The following NFE2L1 variants were observed in gnomAD, a reference collection of about 807,000 sequenced individuals.
The protein encoded by NFE2L1 is NFE2 like bZIP transcription factor 1.
In NFE2L1, 18 loss-of-function variants were observed where a neutral mutation model predicts 61.6. That is an observed-to-expected ratio of 0.29 (90% CI 0.20 to 0.43). The LOEUF is 0.43. NFE2L1 is among the 20% of genes least tolerant of loss of function. The pLI is 1.00. For missense variants in NFE2L1, 827 were observed against 973.5 expected, an observed-to-expected ratio of 0.85 and a Z score of 2.00; for synonymous variants, 419 against 402.7, an observed-to-expected ratio of 1.04 and a Z score of -0.48.
intron 1 of NFE2L1, among the ~76,000 whole-genome samples, chr17:48,049,407 T>G (rs1338588335): frequency 6.6e-6 from 1 of 152,254 alleles, no homozygotes; most frequent in African/African-American, 2.4e-5. Flanking sequence ...TTTTTCTTTT[T>G]TTGAGACGGA....
intron 1 of NFE2L1, 67 bp from the exon 2 acceptor site, chr17:48,050,540 T>C (rs1463829702): frequency 2.5e-6 from 1 of 404,952 alleles, no homozygotes; most frequent in Non-Finnish European, 4.4e-6. Flanking sequence ...GTGAAGGTTT[T>C]CCTACCCTGA....
Position 48,051,454 on chromosome 17 carries a change from T to A in NFE2L1, c.336T>A (p.Ser112=), listed in dbSNP as rs767215115. The A allele has an allele frequency of 1.9e-5, 30 of 1,614,028 alleles. No homozygotes were observed. The highest frequency in any genetic ancestry group is 5.0e-5 in the Admixed American group (3 of 60,002). The part of the protein sequence containing the change: ...AWLVHRDPEG[S]VSGSQPNSGL... ...TGGTTCACCGAGACCCAGAGGGGTC[T>A]GTCTCTGGCAGTCAGCCCAACTCAG... Residue 112 remains serine, a synonymous_variant, in exon 2 of 6, where the codon TCT becomes TCA. Transcript: ENST00000362042.
Position 48,059,989 on chromosome 17 carries a change from A to G in NFE2L1, c.*348A>G. On this transcript the variant is annotated 3_prime_UTR_variant, in exon 6 of 6. Coordinates refer to ENST00000362042, the MANE Select transcript of NFE2L1 (RefSeq NM_003204.3). The surrounding 1 kb of genome is among the most constrained non-coding windows in gnomAD (Gnocchi z 6.1). Reference sequence around the variant, plus strand: ...ACCTGTGAGAGGAAGGGAAGGTGGCAGAAAGTCTCATTTCAGGAAGGAGGG... The same window carrying G: ...ACCTGTGAGAGGAAGGGAAGGTGGCGGAAAGTCTCATTTCAGGAAGGAGGG... 4.9e-6 allele frequency: 1 copy of G among 202,748 alleles called. No homozygotes were observed. Among genetic ancestry groups the G allele is most frequent in the East Asian group, 1.0e-4 (1 of 9,648 alleles). The allele number at this position is 202,748 out of a possible 1,614,324, so 12.6% of individuals were successfully genotyped here.
At chr17:48,054,330 G>A (rs1349858568) in intron 2 of NFE2L1, 1 of 162,738 alleles carries the variant, frequency 6.1e-6, no homozygotes, top group Non-Finnish European at 1.3e-5. Flanking sequence ...ATCTCCTCAA[G>A]GAGACGGAGG....
intron 2 of NFE2L1, among the ~76,000 whole-genome samples, chr17:48,052,734 G>A (rs1410313443): frequency 6.6e-6 from 1 of 152,194 alleles, no homozygotes; most frequent in Non-Finnish European, 1.5e-5. Context: ...TCGTGAAACA[G>A]TTTTGGTTGT....
At position 48,056,578 on chromosome 17, in the gene NFE2L1, G is replaced by A. The variant is rs1237065483; in HGVS notation, c.703G>A (p.Gly235Arg). The A allele has an allele frequency of 6.2e-7, 1 of 1,613,244 alleles. No individual in the cohort carries two copies. The highest frequency in any genetic ancestry group is 2.2e-5 in the East Asian group (1 of 44,880). ...ARNLLVDGET[G>R]ESFPAQVPSG... ...GAACCTGCTAGTGGATGGAGAGACT[G>A]GGGAGAGCTTCCCTGCACAGGTACC... The change falls in exon 3 of 6, where the codon GGG (glycine) becomes AGG (arginine). Residue 235 changes from glycine (G) to arginine (R), a missense_variant. By Grantham distance (125) the Gly-to-Arg change is moderately radical (BLOSUM62 -2). This residue lies in a region of NFE2L1 where 667 missense variants were observed against 748.4 expected (regional missense o/e 0.89). Transcript: ENST00000362042.
Position 48,057,188 on chromosome 17 carries a change from T to C in NFE2L1, c.813+67T>C, listed in dbSNP as rs146841970. 625 of 1,589,704 alleles carry C rather than the reference T, an allele frequency of 3.9e-4. 1 individual carries two copies. Among genetic ancestry groups the C allele is most frequent in the Admixed American group, 1.1e-3 (65 of 57,120 alleles). ...AGCCTGTACCTGGTGTGTCCCTCCA[T>C]GGCTGAGGGGCCAGCTGTTGGTTCT... On this transcript the variant is annotated intron_variant, in intron 4 of 5. Coordinates refer to ENST00000362042, the MANE Select transcript of NFE2L1 (RefSeq NM_003204.3).
Position 48,051,508 on chromosome 17 carries a change from C to T in NFE2L1, c.390C>T (p.Leu130=). The part of the protein sequence containing the change: ...SGLALESSSG[L]QDVTGPDNGV... ...TCGCCCTCGAGAGTTCCAGTGGCCT[C>T]CAAGATGTGACAGGCCCAGACAACG... Residue 130 remains leucine (L), a synonymous_variant, in exon 2 of 6, where the codon CTC becomes CTT. Transcript: ENST00000362042. 6.2e-7 allele frequency: 1 copy of T among 1,614,030 alleles called. No individual in the cohort carries two copies. Among genetic ancestry groups the T allele is most frequent in the Non-Finnish European group, 8.5e-7 (1 of 1,180,018 alleles).
In NFE2L1 at chr17:48,058,641, G is replaced by C; in HGVS notation, c.1319G>C (p.Gly440Ala). The C allele has an allele frequency of 1.2e-6, 2 of 1,614,184 alleles. No individual in the cohort carries two copies. The highest frequency in any genetic ancestry group is 1.7e-6 in the Non-Finnish European group (2 of 1,180,040). ...CCAGAGCTGCCTGACCCTTTGGGGG[G>C]TCTGTTAGATGAAGCTATGTTGGAT... is the stretch of plus-strand genomic sequence containing the variant. ...AGPELPDPLGGLLDEAMLDEI... is the reference protein window; with the variant it reads ...AGPELPDPLGALLDEAMLDEI... Residue 440 changes from glycine (G) to alanine (A), a missense_variant, in exon 6 of 6, where the codon GGT becomes GCT. Physicochemically the swap from Gly to Ala is moderately conservative, Grantham distance 60 (BLOSUM62 0). Transcript: ENST00000362042.
At chr17:48,048,988 A>T (rs958697861) in intron 1 of NFE2L1, 1 of 152,594 alleles carries the variant, frequency 6.6e-6, no homozygotes, top group Non-Finnish European at 1.5e-5. Flanking sequence ...AAATTGCGTG[A>T]GAACGGGAGG....
chr17:48,050,939 C>T lies in NFE2L1; in HGVS notation c.-180C>T. Reference sequence around the variant, plus strand: ...GAGTGTGTCCTTGGCCTTGGCTCCACAGGGTGTGCTTTCCTCTGGGGCCGT... The same window carrying T: ...GAGTGTGTCCTTGGCCTTGGCTCCATAGGGTGTGCTTTCCTCTGGGGCCGT... On this transcript the variant is annotated 5_prime_UTR_variant, in exon 2 of 6. Transcript: ENST00000362042. 1.5e-6 allele frequency: 1 copy of T among 685,904 alleles called. No individual in the cohort carries two copies. 42.5% of individuals were successfully genotyped at this position (685,904 alleles called of 1,614,324 possible).
chr17:48,059,549 G>T lies in NFE2L1; in HGVS notation c.2227G>T (p.Ala743Ser), dbSNP rs750901779. Residue 743 changes from alanine (A) to serine (S), a missense_variant, in exon 6 of 6, where the codon GCC becomes TCC. Coordinates refer to ENST00000362042, the MANE Select transcript of NFE2L1 (RefSeq NM_003204.3). The surrounding 1 kb of genome is among the most constrained non-coding windows in gnomAD (Gnocchi z 6.1). ...GCCCAGTCAGTATGCGCTCCAGTAC[G>T]CCGGGGACGGCAGTGTCCTCCTCAT... ...YSPSQYALQY[A>S]GDGSVLLIPR... 2 of 1,611,612 alleles carry T rather than the reference G, an allele frequency of 1.2e-6. No homozygotes were observed. Among genetic ancestry groups the T allele is most frequent in the South Asian group, 2.2e-5 (2 of 90,938 alleles).
rs1237761554 is a variant in NFE2L1, at chr17:48,058,781, C to T, written c.1459C>T (p.Pro487Ser). The change falls in exon 6 of 6, where the codon CCT becomes TCT. Residue 487 changes from proline (P) to serine (S), a missense_variant. Physicochemically the swap from Pro to Ser is moderately conservative, Grantham distance 74. This residue lies in a region of NFE2L1 where 667 missense variants were observed against 748.4 expected (regional missense o/e 0.89). Transcript: ENST00000362042. Reference protein sequence around the residue: ...SGLSLDSSHSPSSLSSSEGSS... With the variant: ...SGLSLDSSHSSSSLSSSEGSS... ...CCTTTCCTTAGACTCGAGCCATAGCCCTTCTTCCCTAAGCAGCTCTGAAGG... is the reference window on the plus strand; with the variant it reads ...CCTTTCCTTAGACTCGAGCCATAGCTCTTCTTCCCTAAGCAGCTCTGAAGG... The T allele has an allele frequency of 1.2e-6, 2 of 1,614,066 alleles. No individual in the cohort carries two copies. Among genetic ancestry groups the T allele is most frequent in the Admixed American group, 1.7e-5 (1 of 60,004 alleles).
intron 1 of NFE2L1, chr17:48,049,230 ACTGGGCAGT>A (rs1245951398): frequency 6.6e-6 from 1 of 152,282 alleles, no homozygotes; most frequent in African/African-American, 2.4e-5. Flanking sequence ...CTTCCTCTGC[ACTGGGCAGT>A]CTGGCTAGAG....
chr17:48,050,394 G>A (rs8079982), intron 1 of NFE2L1, among the ~76,000 whole-genome samples: 24,485 of 151,986 alleles, frequency 0.16, 2,040 homozygotes, highest in Middle Eastern at 0.18. Flanking sequence ...CAGGAGAATC[G>A]CTTGAATGCA....
intron 2 of NFE2L1, chr17:48,055,300 C>A (rs1269438810): frequency 2.2e-5 from 21 of 974,090 alleles, no homozygotes; most frequent in Non-Finnish European, 2.8e-5. Flanking sequence ...GCATTTTAAC[C>A]CCTGGATGGA....
intron 2 of NFE2L1, among the ~76,000 whole-genome samples, chr17:48,053,982 G>A (rs551029461): frequency 9.9e-5 from 15 of 152,236 alleles, no homozygotes; most frequent in African/African-American, 3.4e-4. Context: ...TGGGCAAAAT[G>A]GCCTTCCCCT....
In NFE2L1 at chr17:48,060,800, G is replaced by A. The variant is rs2037532935; in HGVS notation, c.*1159G>A. On this transcript the variant is annotated 3_prime_UTR_variant, in exon 6 of 6. Transcript: ENST00000362042. ...CAACCCAGCAACAACAAAAGAACTAGTCCTCTTAGAATTTCTTGCGCTTTG... is the reference window on the plus strand; with the variant it reads ...CAACCCAGCAACAACAAAAGAACTAATCCTCTTAGAATTTCTTGCGCTTTG... The A allele has an allele frequency of 6.6e-6, 1 of 152,616 alleles. No individual in the cohort carries two copies. Among genetic ancestry groups the A allele is most frequent in the African/African-American group, 2.4e-5 (1 of 41,430 alleles). The allele number at this position is 152,616 out of a possible 1,614,324, so 9.5% of individuals were successfully genotyped here. A position where few individuals can be genotyped will look rare whatever the true frequency, so the allele number is the denominator to read the frequency against.
chr17:48,055,135 C>T (rs2037364824), intron 2 of NFE2L1: 7 of 1,409,056 alleles, frequency 5.0e-6, no homozygotes, highest in Non-Finnish European at 6.5e-6. Flanking sequence ...CTCCTGGGTC[C>T]AGGGCTTCTG....
Sources: gnomAD v4.1 joint callset for allele counts (sites outside exome capture counted in the v4.1 genomes callset) on GRCh38, gnomAD v4.1.1 for gene constraint, gnomAD v4.1.1 regional missense constraint, Gnocchi (gnomAD v3.1) non-coding constraint, MANE v1.5 for transcripts, NCBI Gene and HGNC (gene_info 2026-07-23, HGNC 2026-07-21) for gene names.